DNAH3: variants seen among roughly 807,000 people sequenced by gnomAD.
DNAH3 encodes axonemal beta dynein heavy chain 3.
DNAH3 carries 332 observed loss-of-function variants against 432.5 expected under a neutral mutation model. The ratio of observed to expected loss-of-function variants is 0.77; its 90% confidence interval spans 0.70 to 0.84. The LOEUF (loss-of-function observed/expected upper bound fraction) is 0.84. Among genes scored for constraint, DNAH3 ranks in the 40% least tolerant of loss-of-function variants. The pLI, the probability that DNAH3 is intolerant of heterozygous loss-of-function variation, is 0.00. For missense variants in DNAH3, 4,861 were observed against 5,114.0 expected (o/e 0.95, Z 1.51); for synonymous variants, 1,956 against 1,900.2 (o/e 1.03, Z -0.76).
At chr16:21,057,740 G>C (rs1290302905) in intron 27 of DNAH3, among the ~76,000 whole-genome samples, 4 of 152,152 alleles carry the variant, frequency 2.6e-5, no homozygotes, top group Admixed American at 2.6e-4. Context: ...TAAAGGAGAA[G>C]GAGAGGCAGA....
rs2091944905 is a variant in DNAH3, at chr16:21,106,306, T to C, written c.2284+184A>G. 4.6e-5 allele frequency among the ~76,000 whole-genome samples: 7 copies of C among 151,928 alleles called. No individual in the cohort carries two copies. The South Asian group carries it at 1.5e-3, about 32-fold the overall frequency. ...GAGTATAAAATTCGTGCCTCTAACATATGGGGGCACTTGAAAGGCAGCTCT... is the reference window on the plus strand; with the variant it reads ...GAGTATAAAATTCGTGCCTCTAACACATGGGGGCACTTGAAAGGCAGCTCT... On this transcript the variant is annotated intron_variant, in intron 15 of 61. Coordinates refer to ENST00000261383, the Ensembl canonical transcript of DNAH3.
rs776419720 is a variant in DNAH3 at position 21,111,622 on chromosome 16, A to G, written c.2099+4T>C. ...TGCTATTTGTCTGCACAGAATTACAATACCTGGTATTGGTGTCTCGGTTTA... is the reference window on the plus strand; with the variant it reads ...TGCTATTTGTCTGCACAGAATTACAGTACCTGGTATTGGTGTCTCGGTTTA... On this transcript the variant is annotated splice_donor_region_variant and intron_variant, in intron 14 of 61. Coordinates refer to ENST00000261383, the Ensembl canonical transcript of DNAH3. 1 of 1,608,594 alleles carries G rather than the reference A, an allele frequency of 6.2e-7. No individual in the cohort carries two copies. The highest frequency in any genetic ancestry group is 1.1e-5 in the South Asian group (1 of 90,880).
chr16:20,971,693 A>T (rs1465220813), intron 51 of DNAH3, among the ~76,000 whole-genome samples: 2 of 151,968 alleles, frequency 1.3e-5, no homozygotes, highest in Non-Finnish European at 2.9e-5. Flanking sequence ...TTGTGCGATC[A>T]CTCACCTCCC....
In DNAH3 at chr16:21,104,340, A is replaced by G. The variant is rs562000054; in HGVS notation, c.2366+131T>C. 1.8e-5 allele frequency: 14 copies of G among 758,762 alleles called. No homozygotes were observed. In the African/African-American group the frequency reaches 2.1e-4, roughly 11 times the overall value. 47.0% of individuals were successfully genotyped at this position (758,762 alleles called of 1,614,324 possible). ...ACCAAAGGAAATGCCTTCTCCACCA[A>G]TTGTTTTCAGACTTCGCCCACACGT... On this transcript the variant is annotated intron_variant, in intron 16 of 61. Transcript: ENST00000261383.
chr16:21,086,160 A>G lies in DNAH3; in HGVS notation c.2877+689T>C, dbSNP rs184313756. 1.4e-3 allele frequency among the ~76,000 whole-genome samples: 219 copies of G among 152,318 alleles called. 2 individuals are homozygous for G. The highest frequency in any genetic ancestry group is 5.6e-3 in the Admixed American group (85 of 15,296). On this transcript the variant is annotated intron_variant, in intron 19 of 61. Coordinates refer to ENST00000261383, the Ensembl canonical transcript of DNAH3. ...AATTCCATACAGAGCGACTCCTGGT[A>G]AAGGATGTTTCAAGGCCATTGCTAG...
chr16:21,020,768 A>G (rs962203619), intron 40 of DNAH3, among the ~76,000 whole-genome samples: 1 of 151,996 alleles, frequency 6.6e-6, no homozygotes, highest in Non-Finnish European at 1.5e-5. Context: ...ACCATTTTTT[A>G]GTGTATAGTT....
In DNAH3 at chr16:21,021,965, A is replaced by C. The variant is rs755175193; in HGVS notation, c.5776+6T>G. ...ATGTGGCTTAAGAATCATGGCTAGC[A>C]CTTACCAAGCAGAGAAGAGTACAGT... On this transcript the variant is annotated splice_donor_region_variant and intron_variant, in intron 40 of 61. Transcript: ENST00000261383. The C allele has an allele frequency of 6.2e-7, 1 of 1,613,638 alleles. No homozygotes were observed. The highest frequency in any genetic ancestry group is 1.3e-5 in the African/African-American group (1 of 74,828).
At chr16:21,105,763 C>T (rs907100492) in intron 15 of DNAH3, among the ~76,000 whole-genome samples, 2 of 150,578 alleles carry the variant, frequency 1.3e-5, no homozygotes, top group African/African-American at 4.9e-5. Flanking sequence ...GACTCTGTCT[C>T]GACAAAAAAA....
intron 31 of DNAH3, among the ~76,000 whole-genome samples, chr16:21,045,981 G>A (rs1267299048): frequency 8.7e-4 from 132 of 151,538 alleles, no homozygotes; most frequent in African/African-American, 2.9e-3. Flanking sequence ...GTAGTTGAGC[G>A]GTTTTGAGTG....
exon 6 of DNAH3, chr16:21,136,378 C>A: frequency 6.2e-7 from 1 of 1,614,056 alleles, no homozygotes; most frequent in Non-Finnish European, 8.5e-7. Flanking sequence ...TGCACGAGGA[C>A]CACCATCAGG....
chr16:21,121,859 C>A lies in DNAH3; in HGVS notation c.1584+86G>T, dbSNP rs1490657329. ...AAGCTCCCTTAACTGAATATCCCAG[C>A]GACCTGACTTGTACAACCTCTTTCA... On this transcript the variant is annotated intron_variant, in intron 10 of 61. Transcript: ENST00000261383. The A allele has an allele frequency of 5.9e-6, 7 of 1,181,240 alleles. No individual in the cohort carries two copies. In the Admixed American group the frequency reaches 1.2e-4, roughly 20 times the overall value. The allele number at this position is 1,181,240 out of a possible 1,614,324, so 73.2% of individuals were successfully genotyped here.
At chr16:21,056,095 G>A (rs2090123196) in intron 27 of DNAH3, among the ~76,000 whole-genome samples, 1 of 152,040 alleles carries the variant, frequency 6.6e-6, no homozygotes, top group South Asian at 2.1e-4. Flanking sequence ...AAATGAGGTA[G>A]TGTATGTGGT....
chr16:21,133,401 C>A (rs1337029021), intron 7 of DNAH3, among the ~76,000 whole-genome samples: 1 of 147,814 alleles, frequency 6.8e-6, no homozygotes, highest in Admixed American at 6.8e-5. Context: ...CAAGCCCGCA[C>A]ACACTTCATA....
chr16:20,963,810 G>A lies in DNAH3; in HGVS notation c.10074C>T (p.Tyr3358=), dbSNP rs1441630753. 4.3e-6 allele frequency: 7 copies of A among 1,613,938 alleles called. No homozygotes were observed. In the African/African-American group the frequency reaches 5.3e-5, roughly 12 times the overall value. ...CAAACAGAGAACGGCACACGTTGTT[G>A]TAGATGCTCAGGGTGAAATGGTCAA... Residue 3358 remains tyrosine, a synonymous_variant, in exon 53 of 62, where the codon TAC becomes TAT. Transcript: ENST00000261383.
chr16:20,987,813 A>C, exon 46 of DNAH3: 1 of 1,614,076 alleles, frequency 6.2e-7, no homozygotes, highest in Non-Finnish European at 8.5e-7. Context: ...CATCTCTATA[A>C]ATTGTCTTAG....
chr16:21,074,388 C>T (rs2090901888), intron 21 of DNAH3, among the ~76,000 whole-genome samples: 1 of 152,108 alleles, frequency 6.6e-6, no homozygotes, highest in Non-Finnish European at 1.5e-5. Flanking sequence ...CCAGATGATT[C>T]TACAATGCAG....
chr16:20,960,344 C>T (rs1417989841), intron 53 of DNAH3, among the ~76,000 whole-genome samples: 1 of 152,122 alleles, frequency 6.6e-6, no homozygotes, highest in Non-Finnish European at 1.5e-5. Flanking sequence ...AACCGAGACA[C>T]TTGCATAAAG....
At chr16:21,151,836 G>C (rs140513991) in intron 1 of DNAH3, among the ~76,000 whole-genome samples, 1 of 152,218 alleles carries the variant, frequency 6.6e-6, no homozygotes, top group Non-Finnish European at 1.5e-5. Context: ...AACCAAGTTA[G>C]ACTTAATGAG....
chr16:21,042,095 T>C lies in DNAH3; in HGVS notation c.4570A>G (p.Thr1524Ala), dbSNP rs201590404. The C allele has an allele frequency of 1.4e-5, 22 of 1,613,612 alleles. No homozygotes were observed. The highest frequency in any genetic ancestry group is 4.4e-5 in the South Asian group (4 of 91,008). Residue 1524 changes from threonine to alanine, a missense_variant, in exon 32 of 62, where the codon ACC becomes GCC. Physicochemically the swap from Thr to Ala is moderately conservative, Grantham distance 58. Coordinates refer to ENST00000261383, the Ensembl canonical transcript of DNAH3. Reference sequence around the variant, plus strand: ...TTCATGGTGATGAACACAGCGCAGGTTGGGTTCAGAGAGAGCTCAGTCCCT... The same window carrying C: ...TTCATGGTGATGAACACAGCGCAGGCTGGGTTCAGAGAGAGCTCAGTCCCT...
Sources: allele counts gnomAD v4.1 joint callset (sites outside exome capture counted in the v4.1 genomes callset), GRCh38; gene constraint gnomAD v4.1.1; transcripts MANE v1.5; gene names NCBI Gene and HGNC (gene_info 2026-07-23, HGNC 2026-07-21).